SPAG16: variants seen among roughly 807,000 people sequenced by gnomAD.
SPAG16 encodes sperm associated antigen 16.
Under a neutral mutation model 80.4 loss-of-function variants are expected in SPAG16, and 86 were observed. That is an observed-to-expected ratio of 1.07 (90% CI 0.90 to 1.28). The LOEUF is 1.28. SPAG16 is among the 50% of genes most tolerant of loss of function. SPAG16 has a pLI of 0.00. For synonymous variants in SPAG16, 294 were observed against 265.9 expected, an observed-to-expected ratio of 1.11 and a Z score of -1.03; for missense variants, 870 against 765.3, an observed-to-expected ratio of 1.14 and a Z score of -1.61.
Position 214,108,223 on chromosome 2 carries a change from C to A in SPAG16, c.1555C>A (p.His519Asn). 3.7e-6 allele frequency: 6 copies of A among 1,601,624 alleles called. No homozygotes were observed. The highest frequency in any genetic ancestry group is 2.2e-5 in the South Asian group (2 of 89,990). The change falls in exon 14 of 16, where the codon CAC becomes AAC. Residue 519 changes from histidine to asparagine, a missense_variant. Physicochemically the swap from His to Asn is moderately conservative, Grantham distance 68 (BLOSUM62 1). Transcript: ENST00000331683. ...TATATGTGAGCAGTCACTTTATGGT[C>A]ACATGCATTCTATCAATGATGCCAT... Reference protein sequence around the residue: ...TGICEQSLYGHMHSINDAIFD... With the variant: ...TGICEQSLYGNMHSINDAIFD...
intron 15 of SPAG16, chr2:214,238,751 C>A (rs765458418): frequency 6.6e-6 from 1 of 151,290 alleles, no homozygotes; most frequent in African/African-American, 2.4e-5. Context: ...AAATGTAATT[C>A]TTGAAGCTCA....
intron 10 of SPAG16, among the ~76,000 whole-genome samples, chr2:213,842,262 C>T (rs77244774): frequency 0.027 from 4,113 of 152,128 alleles, 180 homozygotes; most frequent in African/African-American, 0.092. Context: ...AATAACATAT[C>T]GTAGCAGATA....
At chr2:214,401,257 A>G (rs1701688807) in intron 15 of SPAG16, among the ~76,000 whole-genome samples, 1 of 151,962 alleles carries the variant, frequency 6.6e-6, no homozygotes, top group South Asian at 2.1e-4. Flanking sequence ...CATGCATTCA[A>G]AAAATCAATA....
At chr2:214,117,377 A>G (rs186072941) in intron 14 of SPAG16, among the ~76,000 whole-genome samples, 22 of 152,342 alleles carry the variant, frequency 1.4e-4, no homozygotes, top group African/African-American at 5.1e-4. Context: ...CCTGTCAAAG[A>G]AAAGCTCAGA....
intron 2 of SPAG16, chr2:213,296,974 C>A: frequency 1.0e-6 from 1 of 978,758 alleles, no homozygotes; most frequent in Non-Finnish European, 1.3e-6. Context: ...ATTTAGATAG[C>A]CTTATTATTT....
At chr2:214,354,658 A>C (rs1307304665) in intron 15 of SPAG16, among the ~76,000 whole-genome samples, 1 of 151,490 alleles carries the variant, frequency 6.6e-6, no homozygotes, top group African/African-American at 2.4e-5. Context: ...ATTTGTTTGT[A>C]TCCTCTTTTA....
chr2:214,011,251 T>G (rs2047266516), intron 12 of SPAG16, among the ~76,000 whole-genome samples: 1 of 146,236 alleles, frequency 6.8e-6, no homozygotes, highest in African/African-American at 2.7e-5. Context: ...GAATAGAAAC[T>G]TAAAAAATGT....
intron 10 of SPAG16, among the ~76,000 whole-genome samples, chr2:213,545,173 T>C (rs1407245671): frequency 6.6e-6 from 1 of 152,186 alleles, no homozygotes; most frequent in Admixed American, 6.5e-5. Flanking sequence ...AACATGTGTT[T>C]AATGGTATTC....
intron 10 of SPAG16, among the ~76,000 whole-genome samples, chr2:213,622,456 A>G (rs997920398): frequency 6.6e-6 from 1 of 152,138 alleles, no homozygotes; most frequent in Non-Finnish European, 1.5e-5. Context: ...TTAGTGTGTC[A>G]AGGAGATGGA....
intron 12 of SPAG16, among the ~76,000 whole-genome samples, chr2:213,981,196 A>C (rs1221455887): frequency 1.3e-5 from 2 of 152,116 alleles, no homozygotes; most frequent in Non-Finnish European, 2.9e-5. Context: ...CTATAAGAAT[A>C]CAAATCCTTT....
At chr2:214,139,493 T>C (rs1005189849) in intron 14 of SPAG16, among the ~76,000 whole-genome samples, 2 of 152,122 alleles carry the variant, frequency 1.3e-5, no homozygotes, top group Non-Finnish European at 2.9e-5. Context: ...ATTCATCATA[T>C]ATTAATTATT....
chr2:214,327,152 G>C (rs1696556421), intron 15 of SPAG16, among the ~76,000 whole-genome samples: 1 of 152,090 alleles, frequency 6.6e-6, no homozygotes, highest in Admixed American at 6.6e-5. Context: ...TTTTTAAGAA[G>C]TTTAAGAATT....
chr2:213,622,953 A>G (rs2061838264), intron 10 of SPAG16, among the ~76,000 whole-genome samples: 1 of 152,202 alleles, frequency 6.6e-6, no homozygotes, highest in Non-Finnish European at 1.5e-5. Flanking sequence ...TTAGGCACAC[A>G]TGGAGTGTGT....
chr2:214,274,340 G>C (rs1450439493), intron 15 of SPAG16, among the ~76,000 whole-genome samples: 1 of 152,180 alleles, frequency 6.6e-6, no homozygotes, highest in Non-Finnish European at 1.5e-5. Flanking sequence ...TGTTGAATAG[G>C]AGTGGTGAGA....
intron 10 of SPAG16, among the ~76,000 whole-genome samples, chr2:213,712,040 AGGAG>A (rs2066016467): frequency 6.6e-6 from 1 of 152,126 alleles, no homozygotes; most frequent in African/African-American, 2.4e-5. Flanking sequence ...TGGCATTCTC[AGGAG>A]GGCACATTTA....
chr2:213,325,089 CTTATAATTGAATTGTAAGAGTTG>C (rs1267604304), intron 5 of SPAG16, among the ~76,000 whole-genome samples: 1 of 151,956 alleles, frequency 6.6e-6, no homozygotes, highest in Non-Finnish European at 1.5e-5. Context: ...GCTTGCTGAT[CTTATAATTGAATTGTAAGAGTTG>C]TTTGTATATT....
chr2:214,195,238 T>C (rs180893142), intron 15 of SPAG16, among the ~76,000 whole-genome samples: 2 of 132,368 alleles, frequency 1.5e-5, no homozygotes, highest in East Asian at 2.0e-4. Flanking sequence ...GAGTTAAAAA[T>C]GTAGGAAAAG....
chr2:213,324,278 TAC>T (rs1463658762), intron 5 of SPAG16, among the ~76,000 whole-genome samples: 8 of 152,246 alleles, frequency 5.3e-5, no homozygotes, highest in Non-Finnish European at 7.4e-5. Flanking sequence ...ATATAATTTT[TAC>T]AGTTATTTTT....
At chr2:214,299,749 T>A (rs1694416637) in intron 15 of SPAG16, among the ~76,000 whole-genome samples, 1 of 152,194 alleles carries the variant, frequency 6.6e-6, no homozygotes, top group Non-Finnish European at 1.5e-5. Flanking sequence ...GAATCTCAGG[T>A]TAAACTTTTT....
Sources: allele counts gnomAD v4.1 joint callset (sites outside exome capture counted in the v4.1 genomes callset), GRCh38; gene constraint gnomAD v4.1.1; transcripts MANE v1.5; gene names NCBI Gene and HGNC (gene_info 2026-07-23, HGNC 2026-07-21).